FIP1L1: variants seen among roughly 807,000 people sequenced by gnomAD.
FIP1L1 encodes the protein factor interacting with PAPOLA and CPSF1, also known as pre-mRNA 3'-end-processing factor FIP1.
A neutral mutation model predicts 84.6 loss-of-function variants in FIP1L1; 21 were observed. The observed-to-expected ratio is 0.25, with a 90% CI of 0.18 to 0.36. The LOEUF (loss-of-function observed/expected upper bound fraction) is 0.36. FIP1L1 is among the 10% of genes least tolerant of loss of function. The pLI is 1.00. For synonymous variants in FIP1L1, 263 were observed against 242.3 expected (o/e 1.09, Z -0.80); for missense variants, 526 against 751.1 (o/e 0.70, Z 3.50).
In FIP1L1 at chr4:53,414,701, G is replaced by A. The variant is rs1262029298; in HGVS notation, c.902G>A (p.Arg301Lys). 1 of 1,612,426 alleles carries A rather than the reference G, an allele frequency of 6.2e-7. No individual in the cohort carries two copies. Among genetic ancestry groups the A allele is most frequent in the Non-Finnish European group, 8.5e-7 (1 of 1,178,728 alleles). The change falls in exon 11 of 18, where the codon AGG (arginine) becomes AAG (lysine). Residue 301 changes from arginine (R) to lysine (K), a missense_variant. By Grantham distance (26) the Arg-to-Lys change is conservative. This residue lies in a region of FIP1L1 where 80 missense variants were observed against 151.1 expected (regional missense o/e 0.53). Transcript: ENST00000337488. Reference sequence around the variant, plus strand: ...GGGAAGTGGCAGGATCGATATGGGAGGGCCGAATCACCTGATCTAAGGTAA... The same window carrying A: ...GGGAAGTGGCAGGATCGATATGGGAAGGCCGAATCACCTGATCTAAGGTAA... ...SVGKWQDRYG[R>K]AESPDLRRLP...
chr4:53,417,104 A>G (rs866095637), intron 11 of FIP1L1, among the ~76,000 whole-genome samples: 1 of 152,134 alleles, frequency 6.6e-6, no homozygotes. Context: ...TTTACTTTAG[A>G]TATAGTACTT....
intron 16 of FIP1L1, among the ~76,000 whole-genome samples, chr4:53,456,187 A>G (rs1203839426): frequency 1.3e-5 from 2 of 152,164 alleles, no homozygotes; most frequent in African/African-American, 4.8e-5. Flanking sequence ...CTTGATAGGA[A>G]ATAAGAGTAA....
chr4:53,423,977 T>A (rs1763388354), intron 11 of FIP1L1, among the ~76,000 whole-genome samples: 1 of 152,106 alleles, frequency 6.6e-6, no homozygotes, highest in Non-Finnish European at 1.5e-5. Context: ...AATTTTCCCC[T>A]CAACAGGAAA....
intron 10 of FIP1L1, among the ~76,000 whole-genome samples, chr4:53,407,818 C>T (rs1754563204): frequency 1.3e-5 from 2 of 151,890 alleles, no homozygotes; most frequent in African/African-American, 4.8e-5. Context: ...GACTGCAACC[C>T]CTGCCTTTTT....
chr4:53,440,675 G>C, intron 13 of FIP1L1: 1 of 1,116,694 alleles, frequency 9.0e-7, no homozygotes, highest in Non-Finnish European at 1.3e-6. Flanking sequence ...TATAGTTACA[G>C]GAGAGACGGT....
At position 53,380,656 on chromosome 4, in the gene FIP1L1, C is replaced by T. The variant is rs186922964; in HGVS notation, c.170+1392C>T. ...TGAAACTACAGTTCAGCTTCCTTAC[C>T]CAAAAAATCCCCTATAGTCTTTTCA... On this transcript the variant is annotated intron_variant, in intron 3 of 17. Transcript: ENST00000337488. 4.2e-3 allele frequency among the ~76,000 whole-genome samples: 644 copies of T among 152,170 alleles called. 23 individuals are homozygous for T. The highest frequency in any genetic ancestry group is 0.037 in the Admixed American group (573 of 15,290).
At chr4:53,441,408 A>G (rs1771881497) in intron 13 of FIP1L1, among the ~76,000 whole-genome samples, 1 of 151,962 alleles carries the variant, frequency 6.6e-6, no homozygotes, top group Non-Finnish European at 1.5e-5. Flanking sequence ...TTATGTGTGA[A>G]TGTGTCTGAA....
intron 3 of FIP1L1, among the ~76,000 whole-genome samples, chr4:53,380,079 G>A (rs1736986479): frequency 6.6e-6 from 1 of 152,200 alleles, no homozygotes; most frequent in Non-Finnish European, 1.5e-5. Flanking sequence ...CTGCTTTGAA[G>A]AACAGCCTGG....
chr4:53,449,823 G>A (rs1775684900), intron 15 of FIP1L1, among the ~76,000 whole-genome samples: 2 of 151,810 alleles, frequency 1.3e-5, no homozygotes. Flanking sequence ...AGTTTGGTAA[G>A]TTTTTGTTTT....
intron 10 of FIP1L1, among the ~76,000 whole-genome samples, chr4:53,410,258 T>G (rs1238201100): frequency 6.6e-6 from 1 of 152,262 alleles, no homozygotes; most frequent in East Asian, 1.9e-4. Flanking sequence ...GGTCAGCTTA[T>G]GAGGCACCCA....
rs748082351 is a variant in FIP1L1 at position 53,382,288 on chromosome 4, C to G, written c.181C>G (p.Pro61Ala). 1.2e-6 allele frequency: 2 copies of G among 1,613,250 alleles called. No individual in the cohort carries two copies. Among genetic ancestry groups the G allele is most frequent in the Non-Finnish European group, 1.7e-6 (2 of 1,179,308 alleles). Residue 61 changes from proline (P) to alanine (A), a missense_variant, in exon 4 of 18, where the codon CCA becomes GCA. Around this residue, in one of 6 missense-constraint regions of FIP1L1, gnomAD observed 100 missense variants for 107.2 expected, o/e 0.93. Coordinates refer to ENST00000337488, the MANE Select transcript of FIP1L1 (RefSeq NM_030917.4). ...TTTTGTTGTTTGTAGTGCTAATCCT[C>G]CATCTGGAATTGAAGATGAAACTGC... ...PEEENASANP[P>A]SGIEDETAEN...
intron 13 of FIP1L1, among the ~76,000 whole-genome samples, chr4:53,432,502 G>A (rs1229513466): frequency 2.7e-5 from 4 of 150,180 alleles, no homozygotes; most frequent in Non-Finnish European, 4.4e-5. Context: ...TCGTGAATCA[G>A]AAAATAGTTT....
At chr4:53,433,162 A>T (rs1306181636) in intron 13 of FIP1L1, among the ~76,000 whole-genome samples, 1 of 152,244 alleles carries the variant, frequency 6.6e-6, no homozygotes, top group African/African-American at 2.4e-5. Flanking sequence ...TTGTCATTTT[A>T]GCCATTTATA....
chr4:53,397,721 A>G (rs898614759), intron 9 of FIP1L1, among the ~76,000 whole-genome samples: 4 of 152,206 alleles, frequency 2.6e-5, no homozygotes, highest in Admixed American at 2.0e-4. Flanking sequence ...TACTGATCGC[A>G]GATTGGAATT....
At chr4:53,393,595 A>C (rs972129234) in intron 9 of FIP1L1, among the ~76,000 whole-genome samples, 1 of 152,160 alleles carries the variant, frequency 6.6e-6, no homozygotes, top group Non-Finnish European at 1.5e-5. Flanking sequence ...AAATAAAGCC[A>C]CTCAATTGGG....
At chr4:53,398,567 G>C (rs1261940315) in intron 9 of FIP1L1, among the ~76,000 whole-genome samples, 1 of 152,220 alleles carries the variant, frequency 6.6e-6, no homozygotes, top group Non-Finnish European at 1.5e-5. Context: ...AAAGGAGAGT[G>C]ATGCTGAATT....
intron 5 of FIP1L1, among the ~76,000 whole-genome samples, chr4:53,384,519 AGTT>A (rs997143333): frequency 6.6e-6 from 1 of 152,172 alleles, no homozygotes; most frequent in African/African-American, 2.4e-5. Context: ...TCCAGACCTG[AGTT>A]TAGGTTTTTA....
chr4:53,444,056 C>G lies in FIP1L1; in HGVS notation c.1238C>G (p.Ser413Cys). ...ATCTTTTTCTTCAACAGTGGACATTCCTCTGGTTATGATAGTCGTTCTGCA... is the reference window on the plus strand; with the variant it reads ...ATCTTTTTCTTCAACAGTGGACATTGCTCTGGTTATGATAGTCGTTCTGCA... ...SLIPTIESGH[S>C]SGYDSRSARA... The change falls in exon 15 of 18, where the codon TCC becomes TGC. Residue 413 changes from serine to cysteine, a missense_variant. Ser to Cys is a moderately radical substitution (Grantham distance 112). This residue lies in a region of FIP1L1 where 83 missense variants were observed against 93.8 expected (regional missense o/e 0.88). Coordinates refer to ENST00000337488, the MANE Select transcript of FIP1L1 (RefSeq NM_030917.4). 1.9e-6 allele frequency: 3 copies of G among 1,605,180 alleles called. No individual in the cohort carries two copies. Among genetic ancestry groups the G allele is most frequent in the Non-Finnish European group, 2.6e-6 (3 of 1,172,708 alleles).
intron 15 of FIP1L1, among the ~76,000 whole-genome samples, chr4:53,448,649 G>A (rs182796365): frequency 6.6e-6 from 1 of 152,092 alleles, no homozygotes. Flanking sequence ...GGCAGAGTCA[G>A]GATTTGAACC....
Sources: gnomAD v4.1 joint callset for allele counts (sites outside exome capture counted in the v4.1 genomes callset) on GRCh38, gnomAD v4.1.1 for gene constraint, gnomAD v4.1.1 regional missense constraint, MANE v1.5 for transcripts, NCBI Gene and HGNC (gene_info 2026-07-23, HGNC 2026-07-21) for gene names.